Variants in NOSTRIN observed in about 807,000 individuals in gnomAD.
The protein encoded by NOSTRIN is nitric oxide synthase trafficking.
Under a neutral mutation model 59.0 loss-of-function variants are expected in NOSTRIN, and 63 were observed. The observed-to-expected ratio is 1.07, with a 90% CI of 0.87 to 1.32. The LOEUF (loss-of-function observed/expected upper bound fraction) is 1.32. Ranked by LOEUF, NOSTRIN falls within the 40% of genes most tolerant of loss-of-function variation. The pLI, the probability that NOSTRIN is intolerant of heterozygous loss-of-function variation, is 0.00. For missense variants in NOSTRIN, 512 were observed against 473.1 expected (o/e 1.08, Z -0.76); for synonymous variants, 200 against 165.4 (o/e 1.21, Z -1.61).
At chr2:168,821,053 T>G (rs1264504958) in intron 2 of NOSTRIN, among the ~76,000 whole-genome samples, 9 of 152,226 alleles carry the variant, frequency 5.9e-5, no homozygotes, top group African/African-American at 2.2e-4. Context: ...GTATTTCTTC[T>G]GGATACACAA....
At chr2:168,838,604 C>T (rs1400556587) in intron 7 of NOSTRIN, among the ~76,000 whole-genome samples, 2 of 151,956 alleles carry the variant, frequency 1.3e-5, no homozygotes, top group African/African-American at 2.4e-5. Flanking sequence ...TCTCAGGCCG[C>T]AATCATCTTT....
At chr2:168,863,389 T>C (rs1689604933) in intron 15 of NOSTRIN, 4 of 983,968 alleles carry the variant, frequency 4.1e-6, no homozygotes, top group Non-Finnish European at 4.8e-6. Context: ...AGAAAGTTGC[T>C]GAGGAAAAGA....
intron 6 of NOSTRIN, 162 bp from the exon 7 acceptor site, chr2:168,834,065 G>A: frequency 1.8e-6 from 1 of 552,904 alleles, no homozygotes; most frequent in Non-Finnish European, 3.2e-6. Flanking sequence ...GGATGGGAAT[G>A]AAGAACTAAA....
At chr2:168,860,616 G>C (rs1032517238) in intron 13 of NOSTRIN, among the ~76,000 whole-genome samples, 179 bp from the exon 14 acceptor site, 8 of 151,736 alleles carry the variant, frequency 5.3e-5, no homozygotes, top group African/African-American at 1.9e-4. Context: ...GGTTGTAGTG[G>C]GCCAAGATCA....
At position 168,861,976 on chromosome 2, in the gene NOSTRIN, G is replaced by C. The variant is rs765881952; in HGVS notation, c.1311G>C (p.Gln437His). 4.3e-6 allele frequency: 7 copies of C among 1,614,194 alleles called. No individual in the cohort carries two copies. Among genetic ancestry groups the C allele is most frequent in the South Asian group, 3.3e-5 (3 of 91,086 alleles). Reference sequence around the variant, plus strand: ...CTATTTCAGCCCCTGGTGCAGCCCAGCTCAGCAGCAGACTTTGCAAGGCCT... The same window carrying C: ...CTATTTCAGCCCCTGGTGCAGCCCACCTCAGCAGCAGACTTTGCAAGGCCT... ...GSSTPAPGAA[Q>H]LSSRLCKALY... The change falls in exon 15 of 16, where the codon CAG (glutamine) becomes CAC (histidine). Residue 437 changes from glutamine (Q) to histidine (H), a missense_variant. Coordinates refer to ENST00000317647, the MANE Select transcript of NOSTRIN (RefSeq NM_001039724.4).
intron 10 of NOSTRIN, among the ~76,000 whole-genome samples, 196 bp downstream of exon 10, chr2:168,851,600 A>T (rs1688773165): frequency 6.6e-6 from 1 of 152,204 alleles, no homozygotes; most frequent in Non-Finnish European, 1.5e-5. Context: ...ATTTTCTAGA[A>T]GTAAAGAAAG....
intron 8 of NOSTRIN, among the ~76,000 whole-genome samples, chr2:168,846,506 CT>C (rs1208779630): frequency 6.6e-6 from 1 of 152,142 alleles, no homozygotes; most frequent in Non-Finnish European, 1.5e-5. Flanking sequence ...TCAAATGTGA[CT>C]ATAAGTAATG....
intron 12 of NOSTRIN, among the ~76,000 whole-genome samples, chr2:168,857,802 T>C (rs1463240157): frequency 6.6e-6 from 1 of 152,208 alleles, no homozygotes; most frequent in Non-Finnish European, 1.5e-5. Context: ...AACTTTCTTG[T>C]GAAGGTAGGT....
At chr2:168,846,418 T>C (rs976583182) in intron 8 of NOSTRIN, among the ~76,000 whole-genome samples, 2 of 152,192 alleles carry the variant, frequency 1.3e-5, no homozygotes, top group African/African-American at 4.8e-5. Flanking sequence ...AGGTTGGATG[T>C]ACAAATTCCT....
chr2:168,795,023 C>T (rs1187427305), upstream of NOSTRIN, among the ~76,000 whole-genome samples: 1 of 152,222 alleles, frequency 6.6e-6, no homozygotes, highest in Non-Finnish European at 1.5e-5. Flanking sequence ...GTTGCTGTCA[C>T]AGGAAAAAAT....
At chr2:168,849,650 C>T (rs1389851404) in intron 8 of NOSTRIN, among the ~76,000 whole-genome samples, 4 of 138,380 alleles carry the variant, frequency 2.9e-5, no homozygotes, top group African/African-American at 1.1e-4. Flanking sequence ...GCCACCGCAC[C>T]TAGCCAGGCC....
At chr2:168,844,897 C>T (rs1447602109) in intron 8 of NOSTRIN, among the ~76,000 whole-genome samples, 3 of 151,748 alleles carry the variant, frequency 2.0e-5, no homozygotes, top group African/African-American at 7.3e-5. Context: ...AAGATTCAGC[C>T]TGGACCTCTG....
chr2:168,824,425 A>C (rs888823667), intron 2 of NOSTRIN, among the ~76,000 whole-genome samples: 4 of 152,044 alleles, frequency 2.6e-5, no homozygotes, highest in African/African-American at 9.7e-5. Context: ...CAGCCTCCCA[A>C]GTAGCTGGGA....
rs747573858 is a variant in NOSTRIN, at chr2:168,843,034, G to C, written c.547G>C (p.Glu183Gln). The change falls in exon 8 of 16, where the codon GAA becomes CAA. Residue 183 changes from glutamate to glutamine, a missense_variant. Transcript: ENST00000317647. ...AAAATCAACTGAAAAGTTGGAAAAGGAAGATGAAAATTACTACCAAAAAAA... is the reference window on the plus strand; with the variant it reads ...AAAATCAACTGAAAAGTTGGAAAAGCAAGATGAAAATTACTACCAAAAAAA... ...LTKSTEKLEK[E>Q]DENYYQKNMA... 1 of 872,504 alleles carries C rather than the reference G, an allele frequency of 1.1e-6. No individual in the cohort carries two copies. Among genetic ancestry groups the C allele is most frequent in the East Asian group, 2.4e-5 (1 of 41,670 alleles). 54.0% of individuals were successfully genotyped at this position (872,504 alleles called of 1,614,324 possible). A position where few individuals can be genotyped will look rare whatever the true frequency, so the allele number is the denominator to read the frequency against.
At chr2:168,841,033 G>T (rs770378694) in intron 7 of NOSTRIN, among the ~76,000 whole-genome samples, 1 of 151,794 alleles carries the variant, frequency 6.6e-6, no homozygotes, top group African/African-American at 2.4e-5. Flanking sequence ...TAGACAGATC[G>T]CTTGAGCCCA....
chr2:168,849,152 C>A (rs933799465), intron 8 of NOSTRIN, among the ~76,000 whole-genome samples: 3 of 152,078 alleles, frequency 2.0e-5, no homozygotes, highest in Non-Finnish European at 4.4e-5. Context: ...CTGCCAAGGG[C>A]CTTGAGACAT....
intron 10 of NOSTRIN, among the ~76,000 whole-genome samples, chr2:168,854,905 A>G (rs1688987255): frequency 6.6e-6 from 1 of 152,192 alleles, no homozygotes; most frequent in Non-Finnish European, 1.5e-5. Context: ...ACATCTTCCC[A>G]GTACTGAGCC....
intron 15 of NOSTRIN, chr2:168,863,468 G>A: frequency 2.0e-6 from 2 of 985,130 alleles, no homozygotes; most frequent in Non-Finnish European, 2.4e-6. Flanking sequence ...ATCCTGACGG[G>A]GGCAGATGAT....
rs773268786 is a variant in NOSTRIN at position 168,856,728 on chromosome 2, T to C, written c.1003T>C (p.Ser335Pro). The C allele has an allele frequency of 1.3e-5, 21 of 1,614,164 alleles. No individual in the cohort carries two copies. The highest frequency in any genetic ancestry group is 1.5e-5 in the Non-Finnish European group (18 of 1,180,008). ...RMLKTYSSTS[S>P]FSDAKSQKDT... ...GCTTAAAACGTACTCCAGCACCTCC[T>C]CCTTCTCTGATGCAAAGAGCCAGAA... Residue 335 changes from serine to proline, a missense_variant, in exon 12 of 16, where the codon TCC (serine) becomes CCC (proline). By Grantham distance (74) the Ser-to-Pro change is moderately conservative (BLOSUM62 -1). Transcript: ENST00000317647.
Sources: gnomAD v4.1 joint callset for allele counts (sites outside exome capture counted in the v4.1 genomes callset) on GRCh38, gnomAD v4.1.1 for gene constraint, MANE v1.5 for transcripts, NCBI Gene and HGNC (gene_info 2026-07-23, HGNC 2026-07-21) for gene names.